PLEKHG1: variants seen among roughly 807,000 people sequenced by gnomAD.
The protein encoded by PLEKHG1 is pleckstrin homology domain-containing family G member 1.
A neutral mutation model predicts 100.8 loss-of-function variants in PLEKHG1; 44 were observed. That is an observed-to-expected ratio of 0.44 (90% CI 0.34 to 0.56). PLEKHG1 has a LOEUF of 0.56. Among genes scored for constraint, PLEKHG1 ranks in the 20% least tolerant of loss-of-function variants. The pLI is 0.01. For synonymous variants in PLEKHG1, 640 were observed against 662.5 expected (o/e 0.97, Z 0.52); for missense variants, 1,545 against 1,720.9 (o/e 0.90, Z 1.81).
intron 3 of PLEKHG1, among the ~76,000 whole-genome samples, chr6:150,697,108 A>AAAAAG (rs71270304): frequency 6.8e-6 from 1 of 147,230 alleles, no homozygotes; most frequent in Non-Finnish European, 1.5e-5. Flanking sequence ...AGAAAAAAAA[A>AAAAAG]AAGAAGAAGA....
At chr6:150,770,344 C>T (rs191316216) in intron 3 of PLEKHG1, among the ~76,000 whole-genome samples, 8 of 152,178 alleles carry the variant, frequency 5.3e-5, no homozygotes, top group Admixed American at 5.2e-4. Flanking sequence ...AGAAATGTTC[C>T]TTGACTTGAA....
intron 1 of PLEKHG1, among the ~76,000 whole-genome samples, chr6:150,632,666 G>T (rs1777813326): frequency 6.6e-6 from 1 of 152,230 alleles, no homozygotes; most frequent in Admixed American, 6.5e-5. Context: ...ACAAAGGAGA[G>T]AATAATTTCA....
chr6:150,617,209 A>G (rs554288244), intron 1 of PLEKHG1, among the ~76,000 whole-genome samples: 1 of 152,384 alleles, frequency 6.6e-6, no homozygotes, highest in African/African-American at 2.4e-5. Context: ...TCTGGTGAAG[A>G]TTATAGAATC....
rs567143528 is a variant in PLEKHG1, at chr6:150,791,506, T to C, written c.583-4350T>C. 4.0e-5 allele frequency among the ~76,000 whole-genome samples: 6 copies of C among 151,472 alleles called. No homozygotes were observed. In the East Asian group the frequency reaches 7.8e-4, roughly 20 times the overall value. ...GCAAAACCCCATCTCTACTAAAAAATAAAAATAAAAAAATTAGCTGGGCTG... is the reference window on the plus strand; with the variant it reads ...GCAAAACCCCATCTCTACTAAAAAACAAAAATAAAAAAATTAGCTGGGCTG... On this transcript the variant is annotated intron_variant, in intron 4 of 15. Coordinates refer to ENST00000358517, the Ensembl canonical transcript of PLEKHG1.
rs1383647382 is a variant in PLEKHG1 at position 150,763,021 on chromosome 6, C to CTTT, written c.412-5615_412-5614insTTT. Reference sequence around the variant, plus strand: ...TTGAGCACCAACAGGAGGGATAAAGCTTCTTTTTTTTTTTTTTTTTTTTGA... The same window carrying CTTT: ...TTGAGCACCAACAGGAGGGATAAAGCTTTTTCTTTTTTTTTTTTTTTTTTTTGA... On this transcript the variant is annotated intron_variant, in intron 2 of 15. Coordinates refer to ENST00000358517, the Ensembl canonical transcript of PLEKHG1. Among the ~76,000 whole-genome samples, 3 of 41,166 alleles carry CTTT rather than the reference C, an allele frequency of 7.3e-5. No individual in the cohort carries two copies. The East Asian group carries it at 2.8e-3, about 39-fold the overall frequency. The allele number at this position is 41,166 out of a possible 152,430, so 27.0% of individuals were successfully genotyped here. A position where few individuals can be genotyped will look rare whatever the true frequency, so the allele number is the denominator to read the frequency against.
Position 150,638,093 on chromosome 6 carries a change from A to G in PLEKHG1, c.-190A>G. On this transcript the variant is annotated 5_prime_UTR_variant, in exon 2 of 4. Transcript: ENST00000367326. Reference sequence around the variant, plus strand: ...TATTCTTTCCAGGAAAGGAGAGTGAATATCTATGGATATTGCCCTGGCCCT... The same window carrying G: ...TATTCTTTCCAGGAAAGGAGAGTGAGTATCTATGGATATTGCCCTGGCCCT... The G allele has an allele frequency of 1.3e-5, 2 of 152,182 alleles. 1 individual carries two copies. Among genetic ancestry groups the G allele is most frequent in the Non-Finnish European group, 2.9e-5 (2 of 68,038 alleles). The allele number at this position is 152,182 out of a possible 1,614,324, so 9.4% of individuals were successfully genotyped here. A position where few individuals can be genotyped will look rare whatever the true frequency, so the allele number is the denominator to read the frequency against.
intron 3 of PLEKHG1, among the ~76,000 whole-genome samples, chr6:150,785,276 T>C (rs1426605478): frequency 6.6e-6 from 1 of 152,200 alleles, no homozygotes; most frequent in Non-Finnish European, 1.5e-5. Context: ...TTTATCATAA[T>C]TCCTGTAGAA....
At chr6:150,663,703 G>C (rs1362910708) in intron 3 of PLEKHG1, 1 of 151,872 alleles carries the variant, frequency 6.6e-6, no homozygotes, top group Non-Finnish European at 1.5e-5. Flanking sequence ...ACAGGCACCC[G>C]CCACCACGCC....
chr6:150,827,269 A>G (rs1776660499), intron 14 of PLEKHG1, among the ~76,000 whole-genome samples: 1 of 147,544 alleles, frequency 6.8e-6, no homozygotes, highest in Admixed American at 6.7e-5. Flanking sequence ...CTTCCAAAAA[A>G]CTGCTTTCTT....
chr6:150,759,929 C>A (rs1784064560), intron 2 of PLEKHG1, among the ~76,000 whole-genome samples: 1 of 152,006 alleles, frequency 6.6e-6, no homozygotes, highest in Non-Finnish European at 1.5e-5. Context: ...GCAGGATTTC[C>A]AGGTTGCAGT....
At chr6:150,824,293 C>G (rs893858076) in intron 14 of PLEKHG1, among the ~76,000 whole-genome samples, 6 of 152,098 alleles carry the variant, frequency 3.9e-5, no homozygotes, top group African/African-American at 1.4e-4. Flanking sequence ...TTCTCCTGAC[C>G]TGAGTGGTTT....
At chr6:150,674,678 T>TCTCTCTCA (rs1779692631) in intron 3 of PLEKHG1, among the ~76,000 whole-genome samples, 1 of 138,568 alleles carries the variant, frequency 7.2e-6, no homozygotes, top group Non-Finnish European at 1.6e-5. Flanking sequence ...TCTCTCTCTC[T>TCTCTCTCA]CTCTCCCCCC....
At chr6:150,798,624 T>G (rs1786500854) in intron 5 of PLEKHG1, among the ~76,000 whole-genome samples, 1 of 152,216 alleles carries the variant, frequency 6.6e-6, no homozygotes, top group Non-Finnish European at 1.5e-5. Context: ...GAAGGTCAGA[T>G]GCAACTAAAT....
intron 4 of PLEKHG1, among the ~76,000 whole-genome samples, chr6:150,789,236 T>G (rs1435612035): frequency 6.6e-6 from 1 of 152,256 alleles, no homozygotes; most frequent in Non-Finnish European, 1.5e-5. Context: ...CATCTCTGAT[T>G]ACAATTTGAA....
intron 3 of PLEKHG1, among the ~76,000 whole-genome samples, chr6:150,714,016 C>G (rs1027412087): frequency 6.6e-6 from 1 of 152,172 alleles, no homozygotes; most frequent in Non-Finnish European, 1.5e-5. Context: ...AGCTCCCAAG[C>G]CTTTTCTTCC....
rs527854288 is a variant in PLEKHG1, at chr6:150,709,974, G to C, written c.-98-23610G>C. ...CTAATTTTTTTTATTTTTTTGTAGA[G>C]ATGGGGTCTCACTCTGTTGCCCAGG... On this transcript the variant is annotated intron_variant, in intron 3 of 3. Transcript: ENST00000367326. 9.2e-5 allele frequency among the ~76,000 whole-genome samples: 14 copies of C among 152,090 alleles called. No individual in the cohort carries two copies. The South Asian group carries it at 2.9e-3, about 32-fold the overall frequency.
intron 1 of PLEKHG1, among the ~76,000 whole-genome samples, chr6:150,619,027 T>C (rs57241701): frequency 0.12 from 17,748 of 152,162 alleles, 1,197 homozygotes; most frequent in East Asian, 0.22. Context: ...AGGCTGTGGT[T>C]AGCTGTGATT....
chr6:150,701,626 C>T (rs1405486559), intron 3 of PLEKHG1, among the ~76,000 whole-genome samples: 7 of 136,650 alleles, frequency 5.1e-5, no homozygotes, highest in Non-Finnish European at 9.6e-5. Context: ...CACAGTGGCC[C>T]CGGTGTATGT....
At chr6:150,693,768 A>C (rs1233178146) in intron 3 of PLEKHG1, among the ~76,000 whole-genome samples, 1 of 152,220 alleles carries the variant, frequency 6.6e-6, no homozygotes. Context: ...TCATGCACCA[A>C]TCATGCATAA....
Sources: gnomAD v4.1 joint callset for allele counts (sites outside exome capture counted in the v4.1 genomes callset) on GRCh38, gnomAD v4.1.1 for gene constraint, MANE v1.5 for transcripts, NCBI Gene and HGNC (gene_info 2026-07-23, HGNC 2026-07-21) for gene names.